NLRP1: variants seen among roughly 807,000 people sequenced by gnomAD.
The protein encoded by NLRP1 is NACHT, LRR and PYD domains-containing protein 1.
A neutral mutation model predicts 136.7 loss-of-function variants in NLRP1; 94 were observed. That is an observed-to-expected ratio of 0.69 (90% CI 0.58 to 0.82). NLRP1 has a LOEUF of 0.82. Among genes scored for constraint, NLRP1 ranks in the 40% least tolerant of loss-of-function variants. The pLI is 0.00. For synonymous variants in NLRP1, 690 were observed against 725.1 expected, an observed-to-expected ratio of 0.95 and a Z score of 0.78; for missense variants, 1,575 against 1,802.7, an observed-to-expected ratio of 0.87 and a Z score of 2.29.
chr17:5,534,705 A>G (rs1910795062), intron 8 of NLRP1, among the ~76,000 whole-genome samples: 1 of 152,096 alleles, frequency 6.6e-6, no homozygotes, highest in African/African-American at 2.4e-5. Flanking sequence ...CACAGCAGCC[A>G]ATCTTGAAAT....
downstream of NLRP1, among the ~76,000 whole-genome samples, chr17:5,511,347 G>A (rs770442569): frequency 2.0e-5 from 3 of 151,456 alleles, no homozygotes; most frequent in Non-Finnish European, 2.9e-5. Flanking sequence ...CAGGAGAATC[G>A]TTTGAACCCG....
At chr17:5,519,495 G>T (rs1265103579) in intron 14 of NLRP1, among the ~76,000 whole-genome samples, 1 of 150,200 alleles carries the variant, frequency 6.7e-6, no homozygotes, top group Non-Finnish European at 1.5e-5. Flanking sequence ...GCCCACACTG[G>T]AGTGCAGGGG....
intron 3 of NLRP1, among the ~76,000 whole-genome samples, chr17:5,563,933 A>G (rs1567665204): frequency 1.3e-5 from 2 of 152,252 alleles, no homozygotes; most frequent in East Asian, 3.8e-4. Flanking sequence ...CATCAGGCTA[A>G]CAGTGAACTT....
At chr17:5,503,721 A>T (rs1907199873) in intron 15 of NLRP1, 3 of 152,202 alleles carry the variant, frequency 2.0e-5, no homozygotes, top group Admixed American at 1.3e-4. Context: ...ACCACTAGAC[A>T]TCCCTGACAG....
rs202050589 is a variant in NLRP1 at position 5,536,960 on chromosome 17, C to T, written c.2871-20G>A. On this transcript the variant is annotated intron_variant, in intron 7 of 16. Coordinates refer to ENST00000572272, the MANE Select transcript of NLRP1 (RefSeq NM_033004.4). ...TCCAGCCTGAAAGCACAAAGGGAGC[C>T]GGGTCCTCCTGGGATCCCCCATGTG... 1.3e-5 allele frequency: 20 copies of T among 1,584,898 alleles called. No homozygotes were observed. The highest frequency in any genetic ancestry group is 1.7e-4 in the Middle Eastern group (1 of 6,022).
rs891360732 is a variant in NLRP1, at chr17:5,504,495, C to T, written c.4070-2623G>A. The T allele has an allele frequency of 6.6e-6, 1 of 152,586 alleles. No homozygotes were observed. The highest frequency in any genetic ancestry group is 2.4e-5 in the African/African-American group (1 of 41,436). The allele number at this position is 152,586 out of a possible 1,614,324, so 9.5% of individuals were successfully genotyped here. ...ATTAGCCGGGCATAGTGGCACATGC[C>T]TGTAATCCCAGCTACTTGGGAGGCT... On this transcript the variant is annotated intron_variant, in intron 15 of 15. Coordinates refer to the NLRP1 transcript ENST00000262467. This position sits in a 1 kb window ranked among gnomAD's most constrained non-coding sequence, Gnocchi z 4.4.
chr17:5,556,113 T>TACACACA (rs1914031956), intron 4 of NLRP1, among the ~76,000 whole-genome samples: 2 of 124,038 alleles, frequency 1.6e-5, no homozygotes, highest in African/African-American at 6.3e-5. Flanking sequence ...TGTCTCTCTC[T>TACACACA]CTACACACAC....
intron 8 of NLRP1, among the ~76,000 whole-genome samples, chr17:5,536,445 CT>C (rs773821415): frequency 0.044 from 3,400 of 77,788 alleles, 26 homozygotes; most frequent in South Asian, 0.13. Context: ...CCATGCCCGG[CT>C]TTTTTTTTTT....
intron 5 of NLRP1, among the ~76,000 whole-genome samples, chr17:5,545,547 GAC>G (rs1215729995): frequency 6.8e-6 from 1 of 147,638 alleles, no homozygotes; most frequent in Non-Finnish European, 1.5e-5. Flanking sequence ...CACACACACA[GAC>G]ACACACAGAC....
chr17:5,551,980 G>C (rs1913420232), intron 5 of NLRP1, among the ~76,000 whole-genome samples: 2 of 151,506 alleles, frequency 1.3e-5, no homozygotes, highest in South Asian at 4.1e-4. Context: ...TCTCTATGTT[G>C]CCCAGGCTGG....
intron 6 of NLRP1, among the ~76,000 whole-genome samples, chr17:5,540,506 G>A (rs1282030037): frequency 6.6e-6 from 1 of 152,120 alleles, no homozygotes; most frequent in Non-Finnish European, 1.5e-5. Flanking sequence ...ATGTCACAAA[G>A]CATTCCAGGG....
At chr17:5,571,146 C>T (rs1338287965) in intron 3 of NLRP1, among the ~76,000 whole-genome samples, 1 of 152,152 alleles carries the variant, frequency 6.6e-6, no homozygotes, top group Non-Finnish European at 1.5e-5. Flanking sequence ...AAACCACAGC[C>T]AACATCACAC....
intron 14 of NLRP1, 196 bp from the exon 15 acceptor site, chr17:5,518,083 C>CGGGTAA (rs1908385415): frequency 1.8e-6 from 1 of 567,520 alleles, no homozygotes; most frequent in Admixed American, 3.1e-5. Context: ...GAGTACCTCA[C>CGGGTAA]GGGTAAGTCA....
intron 6 of NLRP1, among the ~76,000 whole-genome samples, chr17:5,540,526 A>C (rs1911735396): frequency 6.6e-6 from 1 of 152,152 alleles, no homozygotes. Flanking sequence ...GCCTTCGCTA[A>C]GAGAGGGAAC....
chr17:5,545,485 C>G (rs1193699076), intron 5 of NLRP1, among the ~76,000 whole-genome samples: 1 of 149,496 alleles, frequency 6.7e-6, no homozygotes, highest in African/African-American at 2.5e-5. Context: ...CAGACACACA[C>G]ACACAGACAC....
chr17:5,539,414 C>T lies in NLRP1; in HGVS notation c.2870+1G>A, dbSNP rs2151770656. 1 of 1,610,868 alleles carries T rather than the reference C, an allele frequency of 6.2e-7. No individual in the cohort carries two copies. Among genetic ancestry groups the T allele is most frequent in the Non-Finnish European group, 8.5e-7 (1 of 1,178,402 alleles). ...CCCAGAAGGGACCCACAGGGCCTTA[C>T]CCCAGGCGTATGAGTTTGCAGGCAG... On this transcript the variant is annotated splice_donor_variant, in intron 7 of 16. Transcript: ENST00000572272. LOFTEE classifies it high-confidence loss of function.
At position 5,515,506 on chromosome 17, in the gene NLRP1, G is replaced by A. The variant is rs1421866913; in HGVS notation, c.4069C>T (p.Pro1357Ser). 2.5e-6 allele frequency: 4 copies of A among 1,613,206 alleles called. No homozygotes were observed. Among genetic ancestry groups the A allele is most frequent in the African/African-American group, 2.7e-5 (2 of 74,904 alleles). ...GCTGGAGGGATCAGAGTAGTTGCAGGCATGAGATCTCCTGGAGGAAAACAG... is the reference window on the plus strand; with the variant it reads ...GCTGGAGGGATCAGAGTAGTTGCAGACATGAGATCTCCTGGAGGAAAACAG... Reference protein sequence around the residue: ...EALVKPGDLMPATTLIPPARI... With the variant: ...EALVKPGDLMSATTLIPPARI... Residue 1357 changes from proline to serine, a missense_variant, in exon 16 of 17, where the codon CCT becomes TCT. By Grantham distance (74) the Pro-to-Ser change is moderately conservative (BLOSUM62 -1). Coordinates refer to ENST00000572272, the MANE Select transcript of NLRP1 (RefSeq NM_033004.4).
intron 3 of NLRP1, among the ~76,000 whole-genome samples, chr17:5,568,550 G>A (rs141914703): frequency 2.0e-5 from 3 of 152,226 alleles, no homozygotes; most frequent in African/African-American, 4.8e-5. Flanking sequence ...TCTTTCTCCA[G>A]AATTGGTCCC....
Position 5,572,419 on chromosome 17 carries a change from T to C in NLRP1, c.652+9440A>G, listed in dbSNP as rs12603374. Among the ~76,000 whole-genome samples, 1,628 of 152,182 alleles carry C rather than the reference T, an allele frequency of 0.011. 133 individuals carry two copies. In the South Asian group the frequency reaches 0.17, roughly 16 times the overall value. ...CATTAATAAGCCAAAAACAATCCCATTAAAAAGTGGACAAATGGCCAGGCA... is the reference window on the plus strand; with the variant it reads ...CATTAATAAGCCAAAAACAATCCCACTAAAAAGTGGACAAATGGCCAGGCA... On this transcript the variant is annotated intron_variant, in intron 3 of 16. Coordinates refer to ENST00000572272, the MANE Select transcript of NLRP1 (RefSeq NM_033004.4).
Sources: allele counts gnomAD v4.1 joint callset (sites outside exome capture counted in the v4.1 genomes callset), GRCh38; gene constraint gnomAD v4.1.1; non-coding constraint Gnocchi (gnomAD v3.1); transcripts MANE v1.5; gene names NCBI Gene and HGNC (gene_info 2026-07-23, HGNC 2026-07-21).